ME1: variants seen among roughly 807,000 people sequenced by gnomAD.
ME1 encodes malic enzyme 1, also known as NADP-dependent malic enzyme.
In ME1, 74 loss-of-function variants were observed where a neutral mutation model predicts 66.4. The observed-to-expected ratio is 1.11, with a 90% CI of 0.92 to 1.35. ME1 has a LOEUF of 1.35. Among genes scored for constraint, ME1 ranks in the 40% most tolerant of loss-of-function variants. The pLI is 0.00. For synonymous variants in ME1, 251 were observed against 235.6 expected (o/e 1.07, Z -0.60); for missense variants, 750 against 694.1 (o/e 1.08, Z -0.90).
rs138270528 is a variant in ME1, at chr6:83,264,994, G to C, written c.705-11256C>G. Among the ~76,000 whole-genome samples the C allele has an allele frequency of 3.6e-4, 55 of 152,288 alleles. 1 individual carries two copies. The highest frequency in any genetic ancestry group is 1.3e-3 in the African/African-American group (55 of 41,574). ...CTGTCAAATAGCATTGCATGCTACAGACAGATCTCTCATGAAAGGAAGAGT... is the reference window on the plus strand; with the variant it reads ...CTGTCAAATAGCATTGCATGCTACACACAGATCTCTCATGAAAGGAAGAGT... On this transcript the variant is annotated intron_variant, in intron 6 of 13. Coordinates refer to ENST00000369705, the MANE Select transcript of ME1 (RefSeq NM_002395.6).
chr6:83,400,492 C>A (rs1258081102), intron 2 of ME1, among the ~76,000 whole-genome samples: 4 of 152,184 alleles, frequency 2.6e-5, no homozygotes, highest in African/African-American at 9.7e-5. Context: ...CTAACATACT[C>A]CTCTTCTCTG....
At chr6:83,371,107 T>C (rs1393135569) in intron 3 of ME1, among the ~76,000 whole-genome samples, 1 of 152,202 alleles carries the variant, frequency 6.6e-6, no homozygotes, top group African/African-American at 2.4e-5. Context: ...CTTTCATTAA[T>C]CATATTGTTG....
intron 4 of ME1, among the ~76,000 whole-genome samples, chr6:83,351,077 T>A (rs1768793974): frequency 6.8e-6 from 1 of 147,870 alleles, no homozygotes; most frequent in Non-Finnish European, 1.5e-5. Flanking sequence ...ACCAAATTAA[T>A]CAATTATAGC....
intron 6 of ME1, among the ~76,000 whole-genome samples, chr6:83,254,135 T>G (rs922169512): frequency 6.6e-6 from 1 of 152,164 alleles, no homozygotes. Flanking sequence ...TTTTAATGAA[T>G]AGTTATAATT....
intron 5 of ME1, among the ~76,000 whole-genome samples, chr6:83,325,748 C>T (rs1251777342): frequency 3.9e-5 from 6 of 152,056 alleles, no homozygotes; most frequent in African/African-American, 1.4e-4. Context: ...CTTCCATGCT[C>T]ATGGATAGGA....
intron 6 of ME1, among the ~76,000 whole-genome samples, chr6:83,274,015 C>T (rs187221792): frequency 6.6e-6 from 1 of 152,262 alleles, no homozygotes; most frequent in East Asian, 1.9e-4. Flanking sequence ...AAACTCGTAT[C>T]CCTCAGCTTC....
At chr6:83,305,215 T>C (rs1203507453) in intron 6 of ME1, among the ~76,000 whole-genome samples, 2 of 152,150 alleles carry the variant, frequency 1.3e-5, no homozygotes, top group Middle Eastern at 3.2e-3. Context: ...TGCCAAGCAT[T>C]GATACAGGAA....
At chr6:83,252,193 A>AT (rs1448311018) in intron 7 of ME1, among the ~76,000 whole-genome samples, 1 of 152,162 alleles carries the variant, frequency 6.6e-6, no homozygotes, top group African/African-American at 2.4e-5. Flanking sequence ...TGGTGGGGAA[A>AT]TAAGAGTTTG....
chr6:83,345,929 T>TA, intron 5 of ME1, among the ~76,000 whole-genome samples: 1 of 152,256 alleles, frequency 6.6e-6, no homozygotes, highest in Non-Finnish European at 1.5e-5. Context: ...AATAATGGTG[T>TA]AAATACATAT....
rs1055213641 is a variant in ME1, at chr6:83,211,744, A to C, written c.*180T>G. ...AAATAACCAGAAGGCAAAGTGAAGCAAAATTGTCTCATGTGATGTTTATCC... is the reference window on the plus strand; with the variant it reads ...AAATAACCAGAAGGCAAAGTGAAGCCAAATTGTCTCATGTGATGTTTATCC... On this transcript the variant is annotated 3_prime_UTR_variant, in exon 14 of 14. Transcript: ENST00000369705. 2.3e-6 allele frequency: 1 copy of C among 434,024 alleles called. No individual in the cohort carries two copies. Among genetic ancestry groups the C allele is most frequent in the African/African-American group, 2.0e-5 (1 of 49,252 alleles). The allele number at this position is 434,024 out of a possible 1,614,324, so 26.9% of individuals were successfully genotyped here. A position where few individuals can be genotyped will look rare whatever the true frequency, so the allele number is the denominator to read the frequency against.
chr6:83,216,157 G>A (rs1472122597), intron 13 of ME1, among the ~76,000 whole-genome samples: 1 of 152,158 alleles, frequency 6.6e-6, no homozygotes, highest in Non-Finnish European at 1.5e-5. Flanking sequence ...TAATATTTTG[G>A]TTAATTATCA....
At chr6:83,339,769 A>C (rs1308942947) in intron 5 of ME1, among the ~76,000 whole-genome samples, 1 of 98,120 alleles carries the variant, frequency 1.0e-5, no homozygotes, top group African/African-American at 4.0e-5. Flanking sequence ...GAATTGAACA[A>C]TGAGATCACA....
At chr6:83,405,612 G>T (rs571028727) in intron 2 of ME1, among the ~76,000 whole-genome samples, 1 of 151,936 alleles carries the variant, frequency 6.6e-6, no homozygotes, top group African/African-American at 2.4e-5. Flanking sequence ...TCCAGCTTTC[G>T]CCCACTCAGT....
At chr6:83,348,386 T>C (rs1473613956) in intron 4 of ME1, among the ~76,000 whole-genome samples, 1 of 152,196 alleles carries the variant, frequency 6.6e-6, no homozygotes, top group Non-Finnish European at 1.5e-5. Context: ...TATACTTTTA[T>C]GAATGTGATC....
chr6:83,217,852 C>T (rs1790023025), intron 12 of ME1, among the ~76,000 whole-genome samples: 1 of 152,072 alleles, frequency 6.6e-6, no homozygotes, highest in Admixed American at 6.6e-5. Flanking sequence ...GGAGCATTAT[C>T]AATGTCAAAA....
At chr6:83,425,991 C>T (rs1002443933) in intron 1 of ME1, among the ~76,000 whole-genome samples, 5 of 152,096 alleles carry the variant, frequency 3.3e-5, no homozygotes, top group Non-Finnish European at 4.4e-5. Flanking sequence ...GGAGTGGGTT[C>T]GTTATTGCAA....
intron 6 of ME1, among the ~76,000 whole-genome samples, chr6:83,309,746 A>C (rs2128538190): frequency 6.6e-6 from 1 of 152,200 alleles, no homozygotes; most frequent in East Asian, 1.9e-4. Flanking sequence ...CAAAAAGAAA[A>C]GTTTCAAGCT....
intron 3 of ME1, among the ~76,000 whole-genome samples, chr6:83,388,191 A>C (rs1769551300): frequency 6.7e-6 from 1 of 148,288 alleles, no homozygotes; most frequent in African/African-American, 2.5e-5. Context: ...AGGCTCAAGC[A>C]ATCCTCCCAC....
chr6:83,271,996 C>G (rs929653905), intron 6 of ME1, among the ~76,000 whole-genome samples: 1 of 152,144 alleles, frequency 6.6e-6, no homozygotes, highest in Non-Finnish European at 1.5e-5. Context: ...ATTTATCCTT[C>G]GTGTTACAAA....
Sources: gnomAD v4.1 joint callset for allele counts (sites outside exome capture counted in the v4.1 genomes callset) on GRCh38, gnomAD v4.1.1 for gene constraint, MANE v1.5 for transcripts, NCBI Gene and HGNC (gene_info 2026-07-23, HGNC 2026-07-21) for gene names.